Variants in MR1 observed in about 807,000 individuals in gnomAD.
MR1 encodes the protein major histocompatibility complex class I-related protein 1.
Under a neutral mutation model 37.8 loss-of-function variants are expected in MR1, and 44 were observed. The observed-to-expected ratio is 1.16, with a 90% confidence interval of 0.91 to 1.50. MR1 has a LOEUF of 1.50. Among genes scored for constraint, MR1 ranks in the 40% most tolerant of loss-of-function variants. MR1 has a pLI of 0.00. For missense variants in MR1, 386 were observed against 419.1 expected, an observed-to-expected ratio of 0.92 and a Z score of 0.69; for synonymous variants, 153 against 155.8, an observed-to-expected ratio of 0.98 and a Z score of 0.13.
chr1:181,055,457 T>C lies in MR1; in HGVS notation c.*192T>C, dbSNP rs1571403707. On this transcript the variant is annotated 3_prime_UTR_variant, in exon 6 of 6. Transcript: ENST00000367580. ...TTGTTCTTTGGCTCCAAAAAGACTG[T>C]CAGCTTTCAGTCTCTTTTGATGGAC... The C allele has an allele frequency of 1.7e-6, 1 of 577,904 alleles. No homozygotes were observed. Among genetic ancestry groups the C allele is most frequent in the Middle Eastern group, 2.6e-4 (1 of 3,778 alleles). 35.8% of individuals were successfully genotyped at this position (577,904 alleles called of 1,614,324 possible). A position where few individuals can be genotyped will look rare whatever the true frequency, so the allele number is the denominator to read the frequency against.
chr1:181,052,500 G>C lies in MR1; in HGVS notation c.870G>C (p.Gln290His), dbSNP rs1658378466. The C allele has an allele frequency of 6.2e-7, 1 of 1,610,610 alleles. No individual in the cohort carries two copies. Among genetic ancestry groups the C allele is most frequent in the African/African-American group, 1.3e-5 (1 of 74,968 alleles). ...VEHCGVHMVLQVPQESETIPL... is the reference protein window; with the variant it reads ...VEHCGVHMVLHVPQESETIPL... ...ACTGCGGTGTCCACATGGTTCTTCAGGTCCCCCAGGGTAAGGACGGGGATC... is the reference window on the plus strand; with the variant it reads ...ACTGCGGTGTCCACATGGTTCTTCACGTCCCCCAGGGTAAGGACGGGGATC... Residue 290 changes from glutamine to histidine, a missense_variant, in exon 4 of 6, where the codon CAG (glutamine) becomes CAC (histidine). Physicochemically the swap from Gln to His is conservative, Grantham distance 24. Transcript: ENST00000367580.
chr1:181,053,490 T>G, intron 4 of MR1, 83 bp from the exon 5 acceptor site: 1 of 1,004,122 alleles, frequency 1.0e-6, no homozygotes, highest in South Asian at 1.4e-5. Context: ...GGTTTCCTGA[T>G]GATCACAGGG....
In MR1 at chr1:181,059,526, G is replaced by C. The variant is rs1294415443; in HGVS notation, c.*4261G>C. 2 of 152,404 alleles carry C rather than the reference G, an allele frequency of 1.3e-5. No individual in the cohort carries two copies. Among genetic ancestry groups the C allele is most frequent in the Non-Finnish European group, 2.9e-5 (2 of 68,192 alleles). 9.4% of individuals were successfully genotyped at this position (152,404 alleles called of 1,614,324 possible). A position where few individuals can be genotyped will look rare whatever the true frequency, so the allele number is the denominator to read the frequency against. ...TTGGAGGCAAGTGGTGGCTGGAACA[G>C]AAATGGGGCAGCCAGGGGTGGTGGC... On this transcript the variant is annotated 3_prime_UTR_variant, in exon 6 of 6. Transcript: ENST00000367580.
In MR1 at chr1:181,034,024, C is replaced by G. The variant is rs201173602; in HGVS notation, c.17C>G (p.Ala6Gly). Residue 6 changes from alanine (A) to glycine (G), a missense_variant, in exon 1 of 6, where the codon GCG (alanine) becomes GGG (glycine). Transcript: ENST00000367580. ...AGAAGGACTATGGGGGAACTGATGG[C>G]GTTCCTGTTACCTCTCATCATTGTG... MGELM[A>G]FLLPLIIVLM... is the part of the protein sequence containing the mutation. The G allele has an allele frequency of 1.9e-6, 3 of 1,612,548 alleles. No homozygotes were observed. The African/African-American group carries it at 4.0e-5, about 22-fold the overall frequency.
chr1:181,044,141 T>C (rs144877057), intron 1 of MR1, among the ~76,000 whole-genome samples: 2,152 of 152,108 alleles, frequency 0.014, 50 homozygotes, highest in African/African-American at 0.049. Context: ...TTTTTTGTAT[T>C]TTTAGTAGAG....
At chr1:181,049,662 G>A (rs1433158722) in intron 2 of MR1, 8 of 487,124 alleles carry the variant, frequency 1.6e-5, no homozygotes, top group Non-Finnish European at 3.0e-5. Context: ...ACTTGCTTAT[G>A]AGTATCGACA....
At chr1:181,042,685 A>G (rs773730920) in intron 1 of MR1, among the ~76,000 whole-genome samples, 6 of 151,940 alleles carry the variant, frequency 3.9e-5, no homozygotes, top group Admixed American at 6.6e-5. Flanking sequence ...GGGCACCTGT[A>G]ATCCCAGCTA....
chr1:181,044,446 T>C (rs537644500), intron 1 of MR1, among the ~76,000 whole-genome samples: 6 of 152,146 alleles, frequency 3.9e-5, no homozygotes, highest in African/African-American at 1.4e-4. Context: ...GGGGAAGTGT[T>C]GTGTAGTACA....
chr1:181,053,819 C>G, intron 5 of MR1, 142 bp downstream of exon 5: 1 of 632,318 alleles, frequency 1.6e-6, no homozygotes, highest in Non-Finnish European at 2.8e-6. Flanking sequence ...CTGGGACAAC[C>G]CTCCCACCAT....
chr1:181,060,967 T>C lies in MR1; in HGVS notation c.*5702T>C, dbSNP rs1344095781. On this transcript the variant is annotated 3_prime_UTR_variant, in exon 6 of 6. Transcript: ENST00000367580. ...ACACTCAGACTGTGGAGACCCCTGC[T>C]GAGGGAGAAGCCCCAAACTGTGGCT... The C allele has an allele frequency of 6.6e-6, 1 of 152,266 alleles. No homozygotes were observed. Among genetic ancestry groups the C allele is most frequent in the Admixed American group, 6.5e-5 (1 of 15,284 alleles). The allele number at this position is 152,266 out of a possible 1,614,324, so 9.4% of individuals were successfully genotyped here. A position where few individuals can be genotyped will look rare whatever the true frequency, so the allele number is the denominator to read the frequency against.
chr1:181,041,482 C>T (rs866969653), intron 1 of MR1, among the ~76,000 whole-genome samples: 1 of 152,182 alleles, frequency 6.6e-6, no homozygotes, highest in African/African-American at 2.4e-5. Flanking sequence ...TCTTTTTTCT[C>T]CTCTCCACAT....
chr1:181,053,744 T>G, intron 5 of MR1, 67 bp downstream of exon 5: 1 of 1,149,696 alleles, frequency 8.7e-7, no homozygotes, highest in African/African-American at 1.5e-5. Context: ...TTTTATTTTC[T>G]GCACCTGCTG....
At chr1:181,052,534 C>T (rs776659456) in intron 4 of MR1, 24 bp downstream of exon 4, 2 of 1,602,684 alleles carry the variant, frequency 1.2e-6, no homozygotes, top group South Asian at 2.2e-5. Flanking sequence ...TCGTGGCTGT[C>T]TAGGGAGAGA....
chr1:181,046,667 C>A (rs563835610), intron 1 of MR1, among the ~76,000 whole-genome samples: 1 of 152,052 alleles, frequency 6.6e-6, no homozygotes, highest in Non-Finnish European at 1.5e-5. Flanking sequence ...GCAACCGTCT[C>A]GGGTCCGCTT....
rs1443827493 is a variant in MR1, at chr1:181,057,934, C to G, written c.*2669C>G. ...CTGAGGCAGAAGAACCGCTTGAACC[C>G]GGGAGGCAGAGGTTGTGGTGAGCCG... On this transcript the variant is annotated 3_prime_UTR_variant, in exon 6 of 6. Transcript: ENST00000367580. 1 of 152,234 alleles carries G rather than the reference C, an allele frequency of 6.6e-6. No homozygotes were observed. The highest frequency in any genetic ancestry group is 1.5e-5 in the Non-Finnish European group (1 of 68,100). The allele number at this position is 152,234 out of a possible 1,614,324, so 9.4% of individuals were successfully genotyped here. A position where few individuals can be genotyped will look rare whatever the true frequency, so the allele number is the denominator to read the frequency against.
At chr1:181,048,935 G>C in intron 1 of MR1, 117 bp from the exon 2 acceptor site, 2 of 1,314,924 alleles carry the variant, frequency 1.5e-6, no homozygotes, top group Non-Finnish European at 2.1e-6. Context: ...GGCAGCTGGG[G>C]CGTGGAGGCC....
At chr1:181,040,972 C>A (rs1657522687) in intron 1 of MR1, among the ~76,000 whole-genome samples, 1 of 151,840 alleles carries the variant, frequency 6.6e-6, no homozygotes, top group Non-Finnish European at 1.5e-5. Context: ...ATCTCAGCTA[C>A]TTGGGAGGCT....
At chr1:181,053,494 C>T in intron 4 of MR1, 79 bp from the exon 5 acceptor site, 3 of 1,068,898 alleles carry the variant, frequency 2.8e-6, no homozygotes, top group South Asian at 2.7e-5. Context: ...TCCTGATGAT[C>T]ACAGGGACAA....
Position 181,049,165 on chromosome 1 carries a change from G to C in MR1, c.181G>C (p.Val61Leu), listed in dbSNP as rs765416380. ...DSHPITTYDS[V>L]TRQKEPRAPW... ...GCACCCTATCACCACATATGACAGT[G>C]TCACTCGGCAGAAGGAGCCACGGGC... The change falls in exon 2 of 6, where the codon GTC (valine) becomes CTC (leucine). Residue 61 changes from valine to leucine, a missense_variant. Coordinates refer to ENST00000367580, the MANE Select transcript of MR1 (RefSeq NM_001385161.1). 1 of 1,614,198 alleles carries C rather than the reference G, an allele frequency of 6.2e-7. No homozygotes were observed. Among genetic ancestry groups the C allele is most frequent in the Non-Finnish European group, 8.5e-7 (1 of 1,180,030 alleles).
Sources: allele counts gnomAD v4.1 joint callset (sites outside exome capture counted in the v4.1 genomes callset), GRCh38; gene constraint gnomAD v4.1.1; transcripts MANE v1.5; gene names NCBI Gene and HGNC (gene_info 2026-07-23, HGNC 2026-07-21).